PARP4: variants seen among roughly 807,000 people sequenced by gnomAD.
The protein encoded by PARP4 is poly(ADP-ribose) polymerase family member 4.
PARP4 carries 120 observed loss-of-function variants against 187.7 expected under a neutral mutation model. The ratio of observed to expected loss-of-function variants is 0.64; its 90% confidence interval spans 0.55 to 0.74. The LOEUF is 0.74. PARP4 is among the 30% of genes least tolerant of loss of function. PARP4 has a pLI of 0.00. For synonymous variants in PARP4, 654 were observed against 740.9 expected (o/e 0.88, Z 1.90); for missense variants, 1,836 against 2,070.5 (o/e 0.89, Z 2.20).
intron 17 of PARP4, among the ~76,000 whole-genome samples, chr13:24,463,655 TAAG>T (rs1837916647): frequency 6.6e-6 from 1 of 152,086 alleles, no homozygotes; most frequent in Non-Finnish European, 1.5e-5. Flanking sequence ...TTCAAAATAA[TAAG>T]AACCATTAAT....
intron 31 of PARP4, among the ~76,000 whole-genome samples, chr13:24,432,730 T>A (rs564860579): frequency 6.6e-6 from 1 of 151,928 alleles, no homozygotes; most frequent in South Asian, 2.1e-4. Flanking sequence ...TTTCTAAGCA[T>A]AAAATTGTTA....
chr13:24,426,679 A>G, intron 32 of PARP4, 81 bp from the exon 33 acceptor site: 1 of 1,215,554 alleles, frequency 8.2e-7, no homozygotes, highest in Non-Finnish European at 1.2e-6. Flanking sequence ...CTCATTAAAG[A>G]ATTACAATAC....
chr13:24,510,553 C>CAAAAAAAAAAAAAAAAAAA (rs61708412), intron 1 of PARP4, among the ~76,000 whole-genome samples: 1 of 89,256 alleles, frequency 1.1e-5, no homozygotes, highest in African/African-American at 4.8e-5. Flanking sequence ...GACTCCGTCT[C>CAAAAAAAAAAAAAAAAAAA]AAAAAAAAAA....
intron 6 of PARP4, among the ~76,000 whole-genome samples, chr13:24,496,812 C>T (rs1226846915): frequency 6.6e-6 from 1 of 152,164 alleles, no homozygotes; most frequent in Non-Finnish European, 1.5e-5. Flanking sequence ...ATCATGAGGT[C>T]AGGAGTTCGA....
At chr13:24,424,833 G>A (rs1593580165) in intron 33 of PARP4, among the ~76,000 whole-genome samples, 1 of 129,992 alleles carries the variant, frequency 7.7e-6, no homozygotes, top group Non-Finnish European at 1.6e-5. Context: ...CATCACACCT[G>A]GCGAATTTTT....
Position 24,435,153 on chromosome 13 carries a change from T to A in PARP4, c.3988A>T (p.Thr1330Ser), listed in dbSNP as rs1351468735. 1.2e-6 allele frequency: 2 copies of A among 1,614,092 alleles called. No individual in the cohort carries two copies. Among genetic ancestry groups the A allele is most frequent in the Non-Finnish European group, 8.5e-7 (1 of 1,180,008 alleles). Residue 1330 changes from threonine (T) to serine (S), a missense_variant, in exon 31 of 34, where the codon ACT becomes TCT. By Grantham distance (58) the Thr-to-Ser change is moderately conservative. Transcript: ENST00000381989. ...APAVGSYLPP[T>S]ARAHSPASLS... is the part of the protein sequence containing the mutation. Reference sequence around the variant, plus strand: ...GAAGCAGGACTGTGAGCGCGGGCAGTCGGGGGAAGATAGGAACCAACGGCC... The same window carrying A: ...GAAGCAGGACTGTGAGCGCGGGCAGACGGGGGAAGATAGGAACCAACGGCC...
chr13:24,470,659 A>C (rs1286981129), intron 15 of PARP4, among the ~76,000 whole-genome samples: 1 of 152,228 alleles, frequency 6.6e-6, no homozygotes, highest in Non-Finnish European at 1.5e-5. Flanking sequence ...GACATACAAT[A>C]AACAGTAAGA....
At chr13:24,470,986 G>T (rs2137501140) in intron 15 of PARP4, among the ~76,000 whole-genome samples, 1 of 152,248 alleles carries the variant, frequency 6.6e-6, no homozygotes, top group East Asian at 1.9e-4. Flanking sequence ...TGGAATCCCG[G>T]TCTGGCCAGC....
intron 2 of PARP4, among the ~76,000 whole-genome samples, chr13:24,502,832 G>A (rs1194659997): frequency 1.3e-5 from 2 of 152,236 alleles, no homozygotes; most frequent in African/African-American, 4.8e-5. Context: ...ACCTGAATTG[G>A]AAGTAAACAG....
chr13:24,491,810 T>A (rs1868671017), intron 9 of PARP4, among the ~76,000 whole-genome samples: 2 of 152,160 alleles, frequency 1.3e-5, no homozygotes. Flanking sequence ...AGTGACTGGT[T>A]TGAGATTGTG....
chr13:24,445,382 A>G (rs1298465281), intron 27 of PARP4, among the ~76,000 whole-genome samples: 2 of 151,934 alleles, frequency 1.3e-5, no homozygotes, highest in African/African-American at 4.8e-5. Context: ...GGAACCAACC[A>G]TATGATTAGA....
chr13:24,421,225 A>C lies in PARP4; in HGVS notation c.5069T>G (p.Leu1690Arg), dbSNP rs1371318547. 7.2e-7 allele frequency: 1 copy of C among 1,390,890 alleles called. No homozygotes were observed. 86.2% of individuals were successfully genotyped at this position (1,390,890 alleles called of 1,614,324 possible). Reference sequence around the variant, plus strand: ...AGAGTCCCAGTCGTTCCCCAGTTCAAGCCGTGGGCAGATAGATGGGTACTG... The same window carrying C: ...AGAGTCCCAGTCGTTCCCCAGTTCACGCCGTGGGCAGATAGATGGGTACTG... ...EGQYPSICPRLELGNDWDSAT... is the reference protein window; with the variant it reads ...EGQYPSICPRRELGNDWDSAT... The change falls in exon 34 of 34, where the codon CTT becomes CGT. Residue 1690 changes from leucine to arginine, a missense_variant. By Grantham distance (102) the Leu-to-Arg change is moderately radical (BLOSUM62 -2). Around this residue, in one of 8 missense-constraint regions of PARP4, gnomAD observed 29 missense variants for 81.3 expected, o/e 0.36. Coordinates refer to ENST00000381989, the MANE Select transcript of PARP4 (RefSeq NM_006437.4).
At chr13:24,460,611 A>T (rs1359092064) in intron 17 of PARP4, among the ~76,000 whole-genome samples, 1 of 152,138 alleles carries the variant, frequency 6.6e-6, no homozygotes, top group East Asian at 1.9e-4. Flanking sequence ...GCAGCTGTAG[A>T]ACCAGGGCAG....
At chr13:24,466,320 T>C (rs550730084) in intron 17 of PARP4, among the ~76,000 whole-genome samples, 3 of 152,154 alleles carry the variant, frequency 2.0e-5, no homozygotes, top group Admixed American at 6.5e-5. Flanking sequence ...TAGCTGGGAC[T>C]ACAGGCATGC....
Position 24,493,715 on chromosome 13 carries a change from T to C in PARP4, c.760A>G (p.Met254Val). ...TCTTGGCTCAGAGTGCTTGAATTCA[T>C]GACTTCCTCCAAAAGCAACTACAAT... ...QLQALLLEEVMNSSTLSQEVS... is the reference protein window; with the variant it reads ...QLQALLLEEVVNSSTLSQEVS... Residue 254 changes from methionine (M) to valine (V), a missense_variant, in exon 8 of 34, where the codon ATG (methionine) becomes GTG (valine). By Grantham distance (21) the Met-to-Val change is conservative. This residue lies in a region of PARP4 where 1,147 missense variants were observed against 1,214.2 expected (regional missense o/e 0.94). Transcript: ENST00000381989. 6.2e-7 allele frequency: 1 copy of C among 1,613,616 alleles called. No individual in the cohort carries two copies. The highest frequency in any genetic ancestry group is 1.3e-5 in the African/African-American group (1 of 75,020).
At chr13:24,493,534 C>T (rs1868780280) in intron 8 of PARP4, 62 bp downstream of exon 8, 3 of 1,533,662 alleles carry the variant, frequency 2.0e-6, no homozygotes, top group East Asian at 2.3e-5. Flanking sequence ...CGTGTTATTG[C>T]TGAAGCCAAT....
chr13:24,498,476 C>T (rs1290879160), intron 5 of PARP4, among the ~76,000 whole-genome samples: 1 of 152,098 alleles, frequency 6.6e-6, no homozygotes, highest in Non-Finnish European at 1.5e-5. Flanking sequence ...TGTGTTTATA[C>T]CATACCACTT....
chr13:24,498,146 G>C lies in PARP4; in HGVS notation c.561C>G (p.Ser187=), dbSNP rs1291893603. Reference sequence around the variant, plus strand: ...TGCCATCATCCAGGAGGAAGTGTGAGGATATCAGGAAAGGACAGTCCCTGG... The same window carrying C: ...TGCCATCATCCAGGAGGAAGTGTGACGATATCAGGAAAGGACAGTCCCTGG... ...RDSRDCPFLI[S]SHFLLDDGME... is the part of the protein sequence containing the mutation. Residue 187 remains serine (S), a synonymous_variant, in exon 6 of 34, where the codon TCC becomes TCG. Coordinates refer to ENST00000381989, the MANE Select transcript of PARP4 (RefSeq NM_006437.4). 6.8e-6 allele frequency: 11 copies of C among 1,613,348 alleles called. No individual in the cohort carries two copies. Among genetic ancestry groups the C allele is most frequent in the South Asian group, 1.1e-5 (1 of 91,054 alleles).
intron 12 of PARP4, among the ~76,000 whole-genome samples, chr13:24,480,807 CG>C (rs1183366500): frequency 2.0e-5 from 3 of 152,196 alleles, no homozygotes; most frequent in Non-Finnish European, 4.4e-5. Flanking sequence ...ATCTCTATAA[CG>C]TAACAATGGA....
Sources: gnomAD v4.1 joint callset for allele counts (sites outside exome capture counted in the v4.1 genomes callset) on GRCh38, gnomAD v4.1.1 for gene constraint, gnomAD v4.1.1 regional missense constraint, MANE v1.5 for transcripts, NCBI Gene and HGNC (gene_info 2026-07-23, HGNC 2026-07-21) for gene names.